Variants in TMC7 observed in about 807,000 individuals in gnomAD.
TMC7 encodes the protein transmembrane channel like 7.
TMC7 carries 54 observed loss-of-function variants against 82.9 expected under a neutral mutation model. The ratio of observed to expected loss-of-function variants is 0.65; its 90% CI spans 0.52 to 0.82. The LOEUF (loss-of-function observed/expected upper bound fraction) is 0.82, where lower values mean the gene tolerates loss of function less well. Ranked by LOEUF, TMC7 falls within the 40% of genes least tolerant of loss-of-function variation. The pLI is 0.00. For missense variants in TMC7, 820 were observed against 901.2 expected (o/e 0.91, Z 1.15); for synonymous variants, 350 against 337.9 (o/e 1.04, Z -0.39).
intron 1 of TMC7, among the ~76,000 whole-genome samples, chr16:18,997,185 T>C (rs1462662873): frequency 1.3e-5 from 2 of 152,166 alleles, no homozygotes; most frequent in Non-Finnish European, 1.5e-5. Context: ...CCGTCCTGGG[T>C]TTTGGCATCA....
At position 19,026,753 on chromosome 16, in the gene TMC7, C is replaced by A. The variant is rs567731434; in HGVS notation, c.712-3471C>A. The stretch of plus-strand genomic sequence containing the variant: ...GGACCTGTGCTGTATAACAATGGAA[C>A]CACTAACTCTTTTTTGTTTGTTTTT... On this transcript the variant is annotated intron_variant, in intron 5 of 15. Transcript: ENST00000304381. 3.9e-5 allele frequency among the ~76,000 whole-genome samples: 6 copies of A among 152,040 alleles called. No homozygotes were observed. The South Asian group carries it at 1.2e-3, about 32-fold the overall frequency.
At chr16:19,012,093 G>A (rs947150537) in intron 2 of TMC7, 1 of 148,292 alleles carries the variant, frequency 6.7e-6, no homozygotes, top group African/African-American at 2.5e-5. Flanking sequence ...TGGCACCACT[G>A]CACTTCAGTC....
intron 1 of TMC7, among the ~76,000 whole-genome samples, chr16:19,001,018 T>C (rs12926647): frequency 0.31 from 47,082 of 151,898 alleles, 7,537 homozygotes; most frequent in Non-Finnish European, 0.35. Flanking sequence ...GTCTCAAAAA[T>C]AAAACACCAA....
At chr16:18,986,038 A>C (rs1363104145) in intron 1 of TMC7, among the ~76,000 whole-genome samples, 2 of 151,098 alleles carry the variant, frequency 1.3e-5, no homozygotes, top group African/African-American at 2.4e-5. Flanking sequence ...GTCTCTAAAA[A>C]AAAAAGAAGA....
At chr16:18,999,788 G>A (rs1358320295) in intron 1 of TMC7, among the ~76,000 whole-genome samples, 1 of 151,778 alleles carries the variant, frequency 6.6e-6, no homozygotes, top group Non-Finnish European at 1.5e-5. Context: ...TTTTGAGATA[G>A]AGTCTCGCCC....
chr16:19,023,836 G>A (rs1960100387), intron 5 of TMC7, among the ~76,000 whole-genome samples: 1 of 152,182 alleles, frequency 6.6e-6, no homozygotes, highest in African/African-American at 2.4e-5. Context: ...CAGATAGAAT[G>A]TTTACAATTT....
chr16:19,049,486 A>T, intron 12 of TMC7: 1 of 283,418 alleles, frequency 3.5e-6, no homozygotes, highest in Non-Finnish European at 5.3e-6. Context: ...CAACCGTTCT[A>T]CCTGGATGTT....
At chr16:18,992,710 C>T (rs1251744513) in intron 1 of TMC7, among the ~76,000 whole-genome samples, 1 of 152,134 alleles carries the variant, frequency 6.6e-6, no homozygotes, top group African/African-American at 2.4e-5. Flanking sequence ...AGGTTTTCTT[C>T]TAGGGTTTTT....
chr16:19,030,168 C>T, intron 5 of TMC7, 56 bp from the exon 6 acceptor site: 1 of 1,558,832 alleles, frequency 6.4e-7, no homozygotes, highest in Non-Finnish European at 8.7e-7. Flanking sequence ...GACTACTCTT[C>T]TGGTTCCCTG....
intron 5 of TMC7, among the ~76,000 whole-genome samples, chr16:19,026,852 C>T (rs538094519): frequency 5.9e-5 from 9 of 152,042 alleles, no homozygotes; most frequent in Admixed American, 5.3e-4. Context: ...ACCTCTGCCC[C>T]CTGGGTTCAA....
intron 3 of TMC7, among the ~76,000 whole-genome samples, chr16:19,021,312 A>G (rs887015472): frequency 1.3e-5 from 2 of 152,170 alleles, no homozygotes; most frequent in Admixed American, 6.6e-5. Context: ...ATATATGTTC[A>G]GGTGATTATT....
intron 9 of TMC7, among the ~76,000 whole-genome samples, chr16:19,042,769 C>T (rs987010870): frequency 1.3e-5 from 2 of 151,204 alleles, no homozygotes; most frequent in Admixed American, 1.3e-4. Context: ...TTTTTCGAGA[C>T]GGAGTCTCGC....
chr16:19,040,573 C>T, intron 9 of TMC7, 127 bp downstream of exon 9: 3 of 764,636 alleles, frequency 3.9e-6, no homozygotes, highest in Non-Finnish European at 6.4e-6. Context: ...CCTCCTCAAC[C>T]TTCAGACAGC....
intron 1 of TMC7, among the ~76,000 whole-genome samples, chr16:18,996,093 G>A (rs762118786): frequency 6.6e-6 from 1 of 152,148 alleles, no homozygotes; most frequent in Non-Finnish European, 1.5e-5. Context: ...GTTGCAGAAC[G>A]AATCTGTAAG....
chr16:19,023,129 C>T lies in TMC7; in HGVS notation c.645C>T (p.Val215=). ...PFKDMDKQCT[V]YPVSSSGLIY... is the part of the protein sequence containing the mutation. ...TTCTTACAGATAAACAATGTACAGT[C>T]TATCCAGTAAGCAGTTCTGGACTCA... Residue 215 remains valine, a synonymous_variant, in exon 5 of 16, where the codon GTC becomes GTT. Coordinates refer to ENST00000304381, the MANE Select transcript of TMC7 (RefSeq NM_024847.4). 1 of 1,606,454 alleles carries T rather than the reference C, an allele frequency of 6.2e-7. No individual in the cohort carries two copies. Among genetic ancestry groups the T allele is most frequent in the South Asian group, 1.1e-5 (1 of 90,564 alleles).
At chr16:19,016,744 C>A in intron 3 of TMC7, 146 bp downstream of exon 3, 1 of 889,750 alleles carries the variant, frequency 1.1e-6, no homozygotes, top group Non-Finnish European at 1.7e-6. Flanking sequence ...CAAGGTTTAG[C>A]AGAACCTGTG....
intron 5 of TMC7, among the ~76,000 whole-genome samples, chr16:19,027,609 G>T (rs370110458): frequency 6.6e-6 from 1 of 152,104 alleles, no homozygotes; most frequent in African/African-American, 2.4e-5. Context: ...TTAGGGAGAG[G>T]TTGGTGACAG....
At chr16:19,055,779 A>T (rs1239869642) in intron 13 of TMC7, among the ~76,000 whole-genome samples, 2 of 152,152 alleles carry the variant, frequency 1.3e-5, no homozygotes, top group Admixed American at 1.3e-4. Context: ...TTACCTAGGT[A>T]AATGTGTGCC....
Position 19,035,832 on chromosome 16 carries a change from T to C in TMC7, c.1005+9T>C. The stretch of plus-strand genomic sequence containing the variant: ...TGCGGTACGAGCTCCGAGTGAGTGC[T>C]CCTGAGTTTGTCCGTGGTGGGGTCC... On this transcript the variant is annotated intron_variant, in intron 7 of 15. Transcript: ENST00000304381. The C allele has an allele frequency of 6.4e-7, 1 of 1,562,382 alleles. No individual in the cohort carries two copies. Among genetic ancestry groups the C allele is most frequent in the Non-Finnish European group, 8.7e-7 (1 of 1,155,102 alleles).
Sources: gnomAD v4.1 joint callset for allele counts (sites outside exome capture counted in the v4.1 genomes callset) on GRCh38, gnomAD v4.1.1 for gene constraint, MANE v1.5 for transcripts, NCBI Gene and HGNC (gene_info 2026-07-23, HGNC 2026-07-21) for gene names.